EGF: variants seen among roughly 807,000 people sequenced by gnomAD.
EGF encodes the protein epidermal growth factor.
A neutral mutation model predicts 143.8 loss-of-function variants in EGF; 95 were observed. The observed-to-expected ratio is 0.66, with a 90% CI of 0.56 to 0.78. The LOEUF (loss-of-function observed/expected upper bound fraction) is 0.78, where lower values mean the gene tolerates loss of function less well. Ranked by LOEUF, EGF falls within the 30% of genes least tolerant of loss-of-function variation. EGF has a pLI of 0.00. For missense variants in EGF, 1,320 were observed against 1,470.9 expected (o/e 0.90, Z 1.68); for synonymous variants, 510 against 510.5 (o/e 1.00, Z 0.01).
At chr4:110,002,901 T>C (rs986644313) in intron 21 of EGF, among the ~76,000 whole-genome samples, 2 of 152,160 alleles carry the variant, frequency 1.3e-5, no homozygotes, top group Non-Finnish European at 2.9e-5. Flanking sequence ...ACTTAGAAGT[T>C]AGAATATGTG....
chr4:109,915,256 T>C (rs1736423322), intron 1 of EGF, among the ~76,000 whole-genome samples: 1 of 152,180 alleles, frequency 6.6e-6, no homozygotes. Flanking sequence ...ACCAACTTAA[T>C]AGCTGAGTTA....
intron 11 of EGF, among the ~76,000 whole-genome samples, chr4:109,970,134 A>T (rs1281076633): frequency 6.6e-6 from 1 of 152,120 alleles, no homozygotes; most frequent in Non-Finnish European, 1.5e-5. Flanking sequence ...GAGCTGCAGG[A>T]AGGGCTACTG....
chr4:109,939,652 G>T (rs1184919920), intron 1 of EGF, among the ~76,000 whole-genome samples: 1 of 152,144 alleles, frequency 6.6e-6, no homozygotes. Flanking sequence ...GACCTGAGTT[G>T]TTCCTATTCG....
chr4:109,920,287 G>A (rs964165748), intron 1 of EGF, among the ~76,000 whole-genome samples: 2 of 151,788 alleles, frequency 1.3e-5, no homozygotes, highest in Non-Finnish European at 2.9e-5. Context: ...AGCAATTATT[G>A]TACAGAAGTA....
At chr4:109,948,495 TG>T (rs138033683) in intron 5 of EGF, among the ~76,000 whole-genome samples, 5 of 151,980 alleles carry the variant, frequency 3.3e-5, no homozygotes, top group African/African-American at 4.8e-5. Flanking sequence ...GATTTTTTTT[TG>T]GGGGGGTGGA....
rs1578422869 is a variant in EGF at position 110,011,382 on chromosome 4, C to G, written c.3551C>G (p.Ser1184Cys). Reference protein sequence around the residue: ...TLEGGVEKPHSLLSANPLWQQ... With the variant: ...TLEGGVEKPHCLLSANPLWQQ... The stretch of plus-strand genomic sequence containing the variant: ...GAAGGGGGTGTCGAGAAGCCCCATT[C>G]TCTCCTATCAGCTAACCCATTATGG... Residue 1184 changes from serine (S) to cysteine (C), a missense_variant, in exon 24 of 24, where the codon TCT (serine) becomes TGT (cysteine). Physicochemically the swap from Ser to Cys is moderately radical, Grantham distance 112. Transcript: ENST00000265171. 1.2e-6 allele frequency: 2 copies of G among 1,614,186 alleles called. No individual in the cohort carries two copies. Among genetic ancestry groups the G allele is most frequent in the Non-Finnish European group, 8.5e-7 (1 of 1,180,020 alleles).
At chr4:109,937,158 T>C (rs1396960234) in intron 1 of EGF, among the ~76,000 whole-genome samples, 1 of 152,168 alleles carries the variant, frequency 6.6e-6, no homozygotes, top group Non-Finnish European at 1.5e-5. Flanking sequence ...TTTTATTGTG[T>C]GGGAGTCTAA....
intron 1 of EGF, among the ~76,000 whole-genome samples, chr4:109,933,591 G>A (rs1276649292): frequency 6.6e-6 from 1 of 151,858 alleles, no homozygotes; most frequent in East Asian, 1.9e-4. Flanking sequence ...CCTCCCAACA[G>A]GCCCCGGTGT....
At chr4:109,917,453 G>T (rs982343636) in intron 1 of EGF, among the ~76,000 whole-genome samples, 3 of 151,584 alleles carry the variant, frequency 2.0e-5, no homozygotes, top group Admixed American at 2.0e-4. Context: ...TTATTCCTTG[G>T]GTAGTATGGT....
Position 109,983,540 on chromosome 4 carries a change from A to G in EGF, c.2490A>G (p.Ser830=), listed in dbSNP as rs1171476888. 1 of 1,613,536 alleles carries G rather than the reference A, an allele frequency of 6.2e-7. No homozygotes were observed. Among genetic ancestry groups the G allele is most frequent in the East Asian group, 2.2e-5 (1 of 44,830 alleles). The change falls in exon 16 of 24, where the codon TCA becomes TCG. Residue 830 remains serine (S), a splice_region_variant and synonymous_variant. Coordinates refer to ENST00000265171, the MANE Select transcript of EGF (RefSeq NM_001963.6). ...TGCTAGTGGCTGAAATCATGGTGTC[A>G]GGTATGAATAACTAGTTCTCCAATA... ...QHMLVAEIMV[S]DQDDCAPVGC...
chr4:109,994,908 C>G, intron 20 of EGF, 28 bp downstream of exon 20: 1 of 1,613,798 alleles, frequency 6.2e-7, no homozygotes, highest in Non-Finnish European at 8.5e-7. Context: ...GCTGATGGCA[C>G]AGAGAGATGC....
chr4:109,966,196 C>T (rs973472821), intron 10 of EGF, among the ~76,000 whole-genome samples: 5 of 151,822 alleles, frequency 3.3e-5, no homozygotes, highest in Non-Finnish European at 5.9e-5. Flanking sequence ...CACCTGTTAC[C>T]CCCCTGCACC....
chr4:109,954,558 T>C (rs1309040336), intron 5 of EGF, among the ~76,000 whole-genome samples: 1 of 152,184 alleles, frequency 6.6e-6, no homozygotes, highest in Non-Finnish European at 1.5e-5. Flanking sequence ...AGAGTAAACT[T>C]CTATACTGTT....
intron 4 of EGF, among the ~76,000 whole-genome samples, chr4:109,944,402 G>A (rs1742489474): frequency 6.6e-6 from 1 of 152,228 alleles, no homozygotes; most frequent in Non-Finnish European, 1.5e-5. Flanking sequence ...TCGTGCCACT[G>A]CACTCCAGCC....
chr4:109,919,138 A>G (rs1737227771), intron 1 of EGF, among the ~76,000 whole-genome samples: 1 of 152,222 alleles, frequency 6.6e-6, no homozygotes, highest in Non-Finnish European at 1.5e-5. Flanking sequence ...TTGCTAAACA[A>G]AAACAGTTGT....
intron 20 of EGF, among the ~76,000 whole-genome samples, chr4:109,997,714 T>G (rs1458772372): frequency 6.6e-6 from 1 of 152,146 alleles, no homozygotes; most frequent in Admixed American, 6.5e-5. Flanking sequence ...CCTCCCAAAG[T>G]TAGCCAGGTA....
rs59869160 is a variant in EGF at position 109,951,146 on chromosome 4, A to AAAAATAAAATAAAATAAAAT, written c.940+5907_940+5926dup. ...ACATGGTGAAACCCTGTCTCTACTA[A>AAAAATAAAATAAAATAAAAT]AAAATAAAATAAAATAAAATAAAAT... On this transcript the variant is annotated intron_variant, in intron 5 of 23. Coordinates refer to ENST00000265171, the MANE Select transcript of EGF (RefSeq NM_001963.6). 2.6e-3 allele frequency among the ~76,000 whole-genome samples: 352 copies of AAAAATAAAATAAAATAAAAT among 132,988 alleles called. 3 individuals are homozygous for AAAAATAAAATAAAATAAAAT. Among genetic ancestry groups the AAAAATAAAATAAAATAAAAT allele is most frequent in the African/African-American group, 9.7e-3 (331 of 34,178 alleles). 87.2% of individuals were successfully genotyped at this position (132,988 alleles called of 152,430 possible). A position where few individuals can be genotyped will look rare whatever the true frequency, so the allele number is the denominator to read the frequency against.
At chr4:109,966,199 C>T (rs1746550513) in intron 10 of EGF, among the ~76,000 whole-genome samples, 1 of 152,114 alleles carries the variant, frequency 6.6e-6, no homozygotes, top group Non-Finnish European at 1.5e-5. Context: ...CTGTTACCCC[C>T]CTGCACCCTC....
In EGF at chr4:109,913,426, G is replaced by C; in HGVS notation, c.91G>C (p.Gly31Arg). The C allele has an allele frequency of 6.2e-7, 1 of 1,613,904 alleles. No individual in the cohort carries two copies. Among genetic ancestry groups the C allele is most frequent in the South Asian group, 1.1e-5 (1 of 91,074 alleles). Reference protein sequence around the residue: ...SAPQHWSCPEGTLAGNGNSTC... With the variant: ...SAPQHWSCPERTLAGNGNSTC... ...ACCGCAGCACTGGAGCTGTCCTGAA[G>C]GTACTCTCGCAGGAAATGGGAATTC... is the stretch of plus-strand genomic sequence containing the variant. Residue 31 changes from glycine (G) to arginine (R), a missense_variant, in exon 1 of 24, where the codon GGT becomes CGT. Transcript: ENST00000265171.
Sources: gnomAD v4.1 joint callset for allele counts (sites outside exome capture counted in the v4.1 genomes callset) on GRCh38, gnomAD v4.1.1 for gene constraint, MANE v1.5 for transcripts, NCBI Gene and HGNC (gene_info 2026-07-23, HGNC 2026-07-21) for gene names.